DMXL2: variants seen among roughly 807,000 people sequenced by gnomAD.
DMXL2 encodes Dmx like 2.
DMXL2 carries 103 observed loss-of-function variants against 331.1 expected under a neutral mutation model. The observed-to-expected ratio is 0.31, with a 90% CI of 0.27 to 0.37. The LOEUF (loss-of-function observed/expected upper bound fraction) is 0.37, where lower values mean the gene tolerates loss of function less well. Ranked by LOEUF, DMXL2 falls within the 10% of genes least tolerant of loss-of-function variation. The pLI, the probability that DMXL2 is intolerant of heterozygous loss-of-function variation, is 1.00. For missense variants in DMXL2, 3,171 were observed against 3,642.9 expected (o/e 0.87, Z 3.33); for synonymous variants, 1,281 against 1,252.1 (o/e 1.02, Z -0.49).
At chr15:51,592,596 A>G (rs2052463455) in intron 1 of DMXL2, among the ~76,000 whole-genome samples, 1 of 152,140 alleles carries the variant, frequency 6.6e-6, no homozygotes, top group Non-Finnish European at 1.5e-5. Flanking sequence ...GACAAGAGCA[A>G]CTCCAAGACA....
At chr15:51,557,017 A>C (rs569904360) in intron 6 of DMXL2, among the ~76,000 whole-genome samples, 1 of 152,114 alleles carries the variant, frequency 6.6e-6, no homozygotes, top group Admixed American at 6.5e-5. Flanking sequence ...ACGTTTATTC[A>C]GCACTCTGCT....
intron 1 of DMXL2, among the ~76,000 whole-genome samples, chr15:51,604,307 A>G (rs1390115293): frequency 1.3e-5 from 2 of 151,522 alleles, no homozygotes; most frequent in Non-Finnish European, 2.9e-5. Flanking sequence ...ATAAGGAAAA[A>G]AAAAAAAAGA....
intron 2 of DMXL2, among the ~76,000 whole-genome samples, chr15:51,572,197 A>C (rs189946649): frequency 2.7e-4 from 40 of 148,490 alleles, no homozygotes; most frequent in African/African-American, 9.1e-4. Context: ...GAAATGGATA[A>C]ATTCCTGGAC....
In DMXL2 at chr15:51,499,659, C is replaced by T; in HGVS notation, c.3565G>A (p.Ala1189Thr). 6.2e-7 allele frequency: 1 copy of T among 1,614,030 alleles called. No homozygotes were observed. The highest frequency in any genetic ancestry group is 8.5e-7 in the Non-Finnish European group (1 of 1,179,996). ...GSHILTVGVG[A>T]NIFMYGRLSG... The stretch of plus-strand genomic sequence containing the variant: ...AGCCTTCCATACATGAAGATATTCG[C>T]ACCGACTCCCACTGTAAGAATGTGG... The change falls in exon 18 of 44, where the codon GCG becomes ACG. Residue 1189 changes from alanine (A) to threonine (T), a missense_variant. This residue lies in a region of DMXL2 where 1,674 missense variants were observed against 1,780.2 expected (regional missense o/e 0.94). Transcript: ENST00000560891.
intron 13 of DMXL2, among the ~76,000 whole-genome samples, chr15:51,529,859 A>G (rs2140826949): frequency 6.6e-6 from 1 of 152,314 alleles, no homozygotes; most frequent in African/African-American, 2.4e-5. Flanking sequence ...AATCCTAAAC[A>G]AAACACTACC....
At chr15:51,598,485 C>A (rs2052994485) in intron 1 of DMXL2, among the ~76,000 whole-genome samples, 1 of 152,140 alleles carries the variant, frequency 6.6e-6, no homozygotes, top group African/African-American at 2.4e-5. Flanking sequence ...TCTTGAACTG[C>A]TGCAATAGTG....
At chr15:51,568,372 C>T (rs1567129531) in intron 3 of DMXL2, 115 bp downstream of exon 3, 2 of 643,496 alleles carry the variant, frequency 3.1e-6, no homozygotes, top group Non-Finnish European at 5.2e-6. Context: ...ACCAATTTTT[C>T]ACTGATACTC....
At chr15:51,486,364 C>T (rs765311709) in intron 22 of DMXL2, 27 bp from the exon 23 acceptor site, 10 of 1,454,946 alleles carry the variant, frequency 6.9e-6, no homozygotes, top group African/African-American at 1.4e-5. Flanking sequence ...TAATACTTAT[C>T]TTACTTAATG....
chr15:51,504,448 T>C (rs1051664880), intron 16 of DMXL2, among the ~76,000 whole-genome samples: 11 of 152,224 alleles, frequency 7.2e-5, no homozygotes, highest in Admixed American at 6.5e-4. Context: ...GAACTTCCAG[T>C]GAGTGTAAAT....
intron 23 of DMXL2, among the ~76,000 whole-genome samples, chr15:51,485,023 C>A (rs2042285410): frequency 2.7e-5 from 3 of 113,064 alleles, no homozygotes; most frequent in Non-Finnish European, 3.6e-5. Flanking sequence ...TTTGAAATAA[C>A]TCAGGCAAAC....
intron 17 of DMXL2, among the ~76,000 whole-genome samples, chr15:51,502,169 C>T (rs2043678011): frequency 1.4e-5 from 2 of 147,880 alleles, no homozygotes; most frequent in African/African-American, 5.0e-5. Flanking sequence ...GGAGGTGGAG[C>T]TTGAAGTGAG....
chr15:51,559,798 A>G (rs931422986), intron 6 of DMXL2, among the ~76,000 whole-genome samples: 1 of 152,188 alleles, frequency 6.6e-6, no homozygotes, highest in Non-Finnish European at 1.5e-5. Flanking sequence ...TAAAAGTCAG[A>G]CCACATCAGC....
At position 51,471,906 on chromosome 15, in the gene DMXL2, T is replaced by C. The variant is rs981748613; in HGVS notation, c.7214-505A>G. 5.3e-5 allele frequency among the ~76,000 whole-genome samples: 8 copies of C among 152,168 alleles called. 1 individual carries two copies. The South Asian group carries it at 6.2e-4, about 12-fold the overall frequency. On this transcript the variant is annotated intron_variant, in intron 28 of 43. Coordinates refer to ENST00000560891, the MANE Select transcript of DMXL2 (RefSeq NM_001378457.1). ...TGGAGGGAAGTAATATCAACAACAG[T>C]CTAGAGTTAGGTTAGGACAAGTCTG...
At position 51,448,112 on chromosome 15, in the gene DMXL2, CAACTATT is replaced by C. The variant is rs2038835807; in HGVS notation, c.*865_*871del. 6.6e-6 allele frequency: 1 copy of C among 152,650 alleles called. No homozygotes were observed. Among genetic ancestry groups the C allele is most frequent in the South Asian group, 2.1e-4 (1 of 4,830 alleles). The allele number at this position is 152,650 out of a possible 1,614,324, so 9.5% of individuals were successfully genotyped here. A position where few individuals can be genotyped will look rare whatever the true frequency, so the allele number is the denominator to read the frequency against. On this transcript the variant is annotated 3_prime_UTR_variant, in exon 44 of 44. Transcript: ENST00000560891. Reference sequence around the variant, plus strand: ...CAATAAATAATGTCACCAATCTCATCAACTATTAACTGGCCACAAGAAGCCTAACATT... The same window carrying C: ...CAATAAATAATGTCACCAATCTCATCAACTGGCCACAAGAAGCCTAACATT...
At position 51,480,916 on chromosome 15, in the gene DMXL2, C is replaced by T. The variant is rs373818486; in HGVS notation, c.6190G>A (p.Val2064Ile). The T allele has an allele frequency of 1.9e-6, 3 of 1,612,756 alleles. No individual in the cohort carries two copies. The highest frequency in any genetic ancestry group is 1.3e-5 in the African/African-American group (1 of 75,024). Residue 2064 changes from valine (V) to isoleucine (I), a missense_variant, in exon 24 of 44, where the codon GTA (valine) becomes ATA (isoleucine). By Grantham distance (29) the Val-to-Ile change is conservative (BLOSUM62 3). Transcript: ENST00000560891. ...TGAAATCTGAGTTTTCCTCCATCTACTTCATAACCTGTAGCCAATGTTCTT... is the reference window on the plus strand; with the variant it reads ...TGAAATCTGAGTTTTCCTCCATCTATTTCATAACCTGTAGCCAATGTTCTT... ...ELRTLATGYE[V>I]DGGKLRFQLY...
Position 51,502,726 on chromosome 15 carries a change from G to A in DMXL2, c.2992+80C>T, listed in dbSNP as rs1291369089. ...TCAACATAGAACATATTTCAGAAGA[G>A]TTCATCTATTTTATCCACTAAAGAG... On this transcript the variant is annotated intron_variant, in intron 17 of 43. Coordinates refer to ENST00000560891, the MANE Select transcript of DMXL2 (RefSeq NM_001378457.1). 5 of 885,414 alleles carry A rather than the reference G, an allele frequency of 5.6e-6. No homozygotes were observed. The East Asian group carries it at 1.2e-4, about 22-fold the overall frequency. 54.8% of individuals were successfully genotyped at this position (885,414 alleles called of 1,614,324 possible).
intron 1 of DMXL2, among the ~76,000 whole-genome samples, chr15:51,590,896 A>G (rs577436350): frequency 6.6e-6 from 1 of 152,190 alleles, no homozygotes; most frequent in South Asian, 2.1e-4. Flanking sequence ...TTTTGTTTGT[A>G]TTTTTTTAAT....
At chr15:51,502,306 T>TGTGTGTGTGTGTGTGTG (rs2043701330) in intron 17 of DMXL2, among the ~76,000 whole-genome samples, 1 of 140,558 alleles carries the variant, frequency 7.1e-6, no homozygotes, top group African/African-American at 2.7e-5. Context: ...TTTTGTGGGT[T>TGTGTGTGTGTGTGTGTG]TGTGTGTGTG....
chr15:51,599,066 T>C (rs939040446), intron 1 of DMXL2, among the ~76,000 whole-genome samples: 1 of 152,360 alleles, frequency 6.6e-6, no homozygotes, highest in East Asian at 1.9e-4. Flanking sequence ...TGGATTTTTA[T>C]CTTATTCAAA....
Sources: allele counts gnomAD v4.1 joint callset (sites outside exome capture counted in the v4.1 genomes callset), GRCh38; gene constraint gnomAD v4.1.1; regional missense constraint gnomAD v4.1.1; transcripts MANE v1.5; gene names NCBI Gene and HGNC (gene_info 2026-07-23, HGNC 2026-07-21).